Variants in CCDC60 observed in about 807,000 individuals in gnomAD.
The protein encoded by CCDC60 is coiled-coil domain-containing protein 60.
A neutral mutation model predicts 63.5 loss-of-function variants in CCDC60; 54 were observed. The ratio of observed to expected loss-of-function variants is 0.85; its 90% confidence interval spans 0.68 to 1.07. CCDC60 has a LOEUF of 1.07. CCDC60 is among the 50% of genes least tolerant of loss of function. The pLI is 0.00. For missense variants in CCDC60, 651 were observed against 684.3 expected (o/e 0.95, Z 0.54); for synonymous variants, 206 against 238.8 (o/e 0.86, Z 1.27).
At chr12:119,527,327 C>T (rs1952704583) in intron 11 of CCDC60, among the ~76,000 whole-genome samples, 1 of 152,128 alleles carries the variant, frequency 6.6e-6, no homozygotes, top group African/African-American at 2.4e-5. Flanking sequence ...AGCTTAATAC[C>T]TGGGTGATGT....
In CCDC60 at chr12:119,350,209, ATTTT is replaced by A. The variant is rs1555230773; in HGVS notation, c.90+14946_90+14949del. Among the ~76,000 whole-genome samples the A allele has an allele frequency of 5.0e-3, 620 of 125,012 alleles. 1 individual carries two copies. Among genetic ancestry groups the A allele is most frequent in the South Asian group, 0.01 (39 of 3,898 alleles). The allele number at this position is 125,012 out of a possible 152,430, so 82.0% of individuals were successfully genotyped here. A position where few individuals can be genotyped will look rare whatever the true frequency, so the allele number is the denominator to read the frequency against. On this transcript the variant is annotated intron_variant, in intron 1 of 13. Transcript: ENST00000327554. ...TATTTATTTATTTATTTATTTATTT[ATTTT>A]TTGAGACAGAGTCTCGCTCTGTCAC...
intron 6 of CCDC60, among the ~76,000 whole-genome samples, chr12:119,502,380 C>A (rs1951876085): frequency 6.6e-6 from 1 of 152,204 alleles, no homozygotes; most frequent in African/African-American, 2.4e-5. Context: ...TCAGCAAATT[C>A]TTTTCCTCCG....
At chr12:119,524,338 C>T (rs1453298654) in intron 11 of CCDC60, 1 of 436,308 alleles carries the variant, frequency 2.3e-6, no homozygotes, top group Admixed American at 6.4e-5. Flanking sequence ...ACCAGAAAGC[C>T]ACTGAAAGTT....
intron 1 of CCDC60, among the ~76,000 whole-genome samples, chr12:119,386,649 T>C (rs529792646): frequency 8.2e-4 from 124 of 152,034 alleles, no homozygotes; most frequent in Middle Eastern, 3.4e-3. Context: ...CCTTGGAAAA[T>C]GTGTAGTATT....
chr12:119,360,883 C>T (rs971818586), intron 1 of CCDC60, among the ~76,000 whole-genome samples: 10 of 152,272 alleles, frequency 6.6e-5, no homozygotes, highest in Non-Finnish European at 8.8e-5. Flanking sequence ...TCTGCAATCC[C>T]GGCACCTCGG....
chr12:119,523,613 G>C (rs1184867726), intron 10 of CCDC60, 80 bp from the exon 11 acceptor site: 8 of 1,586,478 alleles, frequency 5.0e-6, no homozygotes, highest in Non-Finnish European at 6.9e-6. Context: ...TTGGGGCTAA[G>C]GGGGGCCAGA....
Position 119,514,641 on chromosome 12 carries a change from A to T in CCDC60, c.884-1982A>T, listed in dbSNP as rs185157949. Among the ~76,000 whole-genome samples, 505 of 152,336 alleles carry T rather than the reference A, an allele frequency of 3.3e-3. 12 individuals carry two copies. Among genetic ancestry groups the T allele is most frequent in the Non-Finnish European group, 9.3e-4 (63 of 68,028 alleles). ...TTATTACAAAAGAGTCAAGAAATTTAAAAAATGTAAAGCTTATAAAGTAAA... is the reference window on the plus strand; with the variant it reads ...TTATTACAAAAGAGTCAAGAAATTTTAAAAATGTAAAGCTTATAAAGTAAA... On this transcript the variant is annotated intron_variant, in intron 7 of 13. Coordinates refer to ENST00000327554, the MANE Select transcript of CCDC60 (RefSeq NM_178499.5).
intron 1 of CCDC60, among the ~76,000 whole-genome samples, chr12:119,383,497 CCA>C (rs1956029389): frequency 6.6e-6 from 1 of 152,140 alleles, no homozygotes; most frequent in Admixed American, 6.5e-5. Flanking sequence ...ATCCAGATAG[CCA>C]CAGAGTATGG....
intron 5 of CCDC60, among the ~76,000 whole-genome samples, chr12:119,497,899 G>C (rs1951751044): frequency 6.6e-6 from 1 of 152,190 alleles, no homozygotes; most frequent in South Asian, 2.1e-4. Flanking sequence ...ACTCGGGGGA[G>C]AGGCAGGCAG....
chr12:119,360,612 C>A (rs1592990234), intron 1 of CCDC60, among the ~76,000 whole-genome samples: 1 of 151,288 alleles, frequency 6.6e-6, no homozygotes, highest in East Asian at 2.0e-4. Context: ...ACATCCCAAA[C>A]AGGGCGGCGG....
At chr12:119,428,953 G>C in intron 2 of CCDC60, 191 bp downstream of exon 2, 1 of 460,048 alleles carries the variant, frequency 2.2e-6, no homozygotes, top group Non-Finnish European at 3.8e-6. Flanking sequence ...TTTCCAGGGA[G>C]TACCCATGCC....
chr12:119,416,504 T>C (rs1956701507), intron 1 of CCDC60, among the ~76,000 whole-genome samples: 1 of 152,020 alleles, frequency 6.6e-6, no homozygotes, highest in Admixed American at 6.5e-5. Context: ...GGGTAGAAAA[T>C]GAAGTTCTTT....
chr12:119,482,017 A>ATATATGTG (rs1951334651), intron 4 of CCDC60, among the ~76,000 whole-genome samples: 1 of 124,400 alleles, frequency 8.0e-6, no homozygotes, highest in Non-Finnish European at 1.6e-5. Context: ...GTATATATAT[A>ATATATGTG]TGTATATATG....
At chr12:119,355,782 C>A (rs1399658915) in intron 1 of CCDC60, among the ~76,000 whole-genome samples, 1 of 152,186 alleles carries the variant, frequency 6.6e-6, no homozygotes, top group African/African-American at 2.4e-5. Context: ...AATTAAGGGG[C>A]AGAATATGTG....
At chr12:119,353,959 A>G (rs1955689437) in intron 1 of CCDC60, among the ~76,000 whole-genome samples, 1 of 151,844 alleles carries the variant, frequency 6.6e-6, no homozygotes. Flanking sequence ...CTTCCTGGCT[A>G]TCTGCTCTCT....
chr12:119,512,195 C>T (rs554353764), intron 7 of CCDC60, among the ~76,000 whole-genome samples: 10 of 152,284 alleles, frequency 6.6e-5, no homozygotes, highest in Admixed American at 2.0e-4. Context: ...TGGCTTTTGA[C>T]GCCTGAGCTT....
chr12:119,389,099 CTCTG>C (rs1320445060), intron 1 of CCDC60, among the ~76,000 whole-genome samples: 3 of 152,216 alleles, frequency 2.0e-5, no homozygotes, highest in African/African-American at 7.2e-5. Context: ...ACCTGTGGCT[CTCTG>C]TCTGTGGTCT....
rs200112525 is a variant in CCDC60 at position 119,531,187 on chromosome 12, T to G, written c.1551+124T>G. On this transcript the variant is annotated intron_variant, in intron 13 of 13. Transcript: ENST00000327554. Reference sequence around the variant, plus strand: ...CCCTGCCTTTATGGAGCTCATATTCTAATAGTAGAGGGATTGTCCCATTAC... The same window carrying G: ...CCCTGCCTTTATGGAGCTCATATTCGAATAGTAGAGGGATTGTCCCATTAC... 3,697 of 791,902 alleles carry G rather than the reference T, an allele frequency of 4.7e-3. 86 individuals are homozygous for G. In the African/African-American group the frequency reaches 0.057, roughly 12 times the overall value. 49.1% of individuals were successfully genotyped at this position (791,902 alleles called of 1,614,324 possible).
intron 3 of CCDC60, among the ~76,000 whole-genome samples, chr12:119,478,230 G>T (rs946767166): frequency 6.6e-6 from 1 of 152,040 alleles, no homozygotes; most frequent in African/African-American, 2.4e-5. Context: ...CACGAGAATT[G>T]CTTGAACCTA....
Sources: gnomAD v4.1 joint callset for allele counts (sites outside exome capture counted in the v4.1 genomes callset) on GRCh38, gnomAD v4.1.1 for gene constraint, MANE v1.5 for transcripts, NCBI Gene and HGNC (gene_info 2026-07-23, HGNC 2026-07-21) for gene names.